MRO: variants seen among roughly 807,000 people sequenced by gnomAD.
The protein encoded by MRO is maestro, also known as protein maestro.
In MRO, 28 loss-of-function variants were observed where a neutral mutation model predicts 31.0. The observed-to-expected ratio is 0.90, with a 90% confidence interval of 0.67 to 1.24. The LOEUF is 1.24. Among genes scored for constraint, MRO ranks in the 50% most tolerant of loss-of-function variants. The pLI is 0.00. For synonymous variants in MRO, 108 were observed against 108.4 expected, an observed-to-expected ratio of 1.00 and a Z score of 0.02; for missense variants, 332 against 289.2, an observed-to-expected ratio of 1.15 and a Z score of -1.07.
chr18:50,801,991 G>A (rs1190834335), intron 5 of MRO, among the ~76,000 whole-genome samples: 1 of 152,162 alleles, frequency 6.6e-6, no homozygotes, highest in Admixed American at 6.5e-5. Flanking sequence ...GAAGAAAGAT[G>A]TATATCACAT....
At chr18:50,804,306 A>T (rs1055370098) in intron 5 of MRO, among the ~76,000 whole-genome samples, 1 of 152,218 alleles carries the variant, frequency 6.6e-6, no homozygotes, top group South Asian at 2.1e-4. Context: ...CATCATCATC[A>T]GTGTAAATAT....
At chr18:50,819,744 G>A (rs555650980) in intron 1 of MRO, 42 bp from the exon 2 acceptor site, 1 of 1,548,548 alleles carries the variant, frequency 6.5e-7, no homozygotes, top group South Asian at 1.2e-5. Context: ...CGCAGGGTCT[G>A]TCCAGGATAA....
intron 5 of MRO, among the ~76,000 whole-genome samples, chr18:50,802,353 C>G (rs908196613): frequency 6.6e-6 from 1 of 152,218 alleles, no homozygotes; most frequent in Admixed American, 6.5e-5. Context: ...ACTCCGCCCT[C>G]TCTTTCTTTC....
chr18:50,802,916 AGTGT>A (rs71735972), intron 5 of MRO, among the ~76,000 whole-genome samples: 10,222 of 144,572 alleles, frequency 0.071, 436 homozygotes, highest in Non-Finnish European at 0.098. Flanking sequence ...GTGTGTGTGT[AGTGT>A]GTGTGTGTGT....
chr18:50,806,114 T>C (rs978881837), intron 4 of MRO, among the ~76,000 whole-genome samples: 3 of 152,064 alleles, frequency 2.0e-5, no homozygotes, highest in Non-Finnish European at 4.4e-5. Flanking sequence ...TACAAAAATA[T>C]AAAAGAAATG....
chr18:50,800,491 T>C (rs1913192021), intron 6 of MRO, among the ~76,000 whole-genome samples: 1 of 152,230 alleles, frequency 6.6e-6, no homozygotes, highest in Non-Finnish European at 1.5e-5. Flanking sequence ...TTTTGAAACG[T>C]TCACCAAGTC....
chr18:50,798,918 CA>C lies in MRO; in HGVS notation c.*418del, dbSNP rs1362123315. On this transcript the variant is annotated 3_prime_UTR_variant, in exon 8 of 8. Coordinates refer to ENST00000398439, the MANE Select transcript of MRO (RefSeq NM_031939.6). ...CAATAGCAAATACACTAAAAAAAAA[CA>C]AAACAACAACAACAAAAAAACAAAA... 14 of 143,654 alleles carry C rather than the reference CA, an allele frequency of 9.7e-5. No individual in the cohort carries two copies. Among genetic ancestry groups the C allele is most frequent in the African/African-American group, 3.2e-4 (11 of 34,856 alleles). 8.9% of individuals were successfully genotyped at this position (143,654 alleles called of 1,614,324 possible).
intron 2 of MRO, among the ~76,000 whole-genome samples, chr18:50,819,044 C>T (rs1303176113): frequency 6.6e-6 from 1 of 151,604 alleles, no homozygotes; most frequent in Non-Finnish European, 1.5e-5. Flanking sequence ...CACAACAAGA[C>T]CCTGTCTCAA....
chr18:50,823,051 C>A (rs1258326679), upstream of MRO, among the ~76,000 whole-genome samples: 1 of 152,106 alleles, frequency 6.6e-6, no homozygotes, highest in Non-Finnish European at 1.5e-5. Flanking sequence ...TCTACTCCTG[C>A]GCTTAGTGAA....
At chr18:50,805,361 T>C (rs757927786) in intron 4 of MRO, 25 bp from the exon 5 acceptor site, 1 of 1,608,434 alleles carries the variant, frequency 6.2e-7, no homozygotes, top group Admixed American at 1.7e-5. Context: ...TGAAAAGCAG[T>C]AATAGCACAG....
chr18:50,820,938 G>A (rs538302433), upstream of MRO, among the ~76,000 whole-genome samples: 1 of 152,258 alleles, frequency 6.6e-6, no homozygotes, highest in South Asian at 2.1e-4. Flanking sequence ...AGAAGAATGA[G>A]GCTAAAACAC....
At chr18:50,825,171 A>C (rs1915472391) in intron 1 of MRO, 1 of 152,134 alleles carries the variant, frequency 6.6e-6, no homozygotes, top group South Asian at 2.1e-4. Context: ...CAACACCCCT[A>C]CTTCCAAAAG....
intron 3 of MRO, 43 bp from the exon 4 acceptor site, chr18:50,806,893 A>G: frequency 6.3e-7 from 1 of 1,596,980 alleles, no homozygotes. Flanking sequence ...GAGTGTTCAG[A>G]GTCATACCAA....
At chr18:50,823,827 C>A, upstream of MRO, 1 of 206,172 alleles carries the variant, frequency 4.9e-6, no homozygotes, top group Non-Finnish European at 1.0e-5. Flanking sequence ...ATTGGTGGCC[C>A]AAAAATGTGT....
chr18:50,800,235 G>A, intron 6 of MRO, 92 bp from the exon 7 acceptor site: 1 of 839,748 alleles, frequency 1.2e-6, no homozygotes, highest in Non-Finnish European at 1.8e-6. Flanking sequence ...CCAATCTGTG[G>A]TCAGGGGCCC....
At chr18:50,804,243 G>C (rs949543095) in intron 5 of MRO, among the ~76,000 whole-genome samples, 1 of 151,804 alleles carries the variant, frequency 6.6e-6, no homozygotes, top group African/African-American at 2.4e-5. Flanking sequence ...ACTAATCATT[G>C]CTATTGCCAC....
intron 2 of MRO, among the ~76,000 whole-genome samples, chr18:50,814,933 T>A (rs906041344): frequency 6.6e-6 from 1 of 152,102 alleles, no homozygotes; most frequent in Admixed American, 6.6e-5. Flanking sequence ...TGGTGGCACG[T>A]GCCTGTAATC....
chr18:50,812,574 A>T (rs1914562902), intron 2 of MRO, among the ~76,000 whole-genome samples: 1 of 152,090 alleles, frequency 6.6e-6, no homozygotes, highest in Non-Finnish European at 1.5e-5. Flanking sequence ...TAAATCTATG[A>T]ATCTATTGCC....
intron 5 of MRO, among the ~76,000 whole-genome samples, chr18:50,803,427 A>G (rs1374522993): frequency 1.3e-5 from 2 of 151,896 alleles, no homozygotes; most frequent in African/African-American, 2.4e-5. Context: ...GGATCAGTTG[A>G]GCCTGGGAGG....
Sources: allele counts gnomAD v4.1 joint callset (sites outside exome capture counted in the v4.1 genomes callset), GRCh38; gene constraint gnomAD v4.1.1; transcripts MANE v1.5; gene names NCBI Gene and HGNC (gene_info 2026-07-23, HGNC 2026-07-21).